Variants in CIMIP6 observed in about 807,000 individuals in gnomAD.
CIMIP6 encodes uncharacterized protein C2orf73.
the CIMIP6 span, among the ~76,000 whole-genome samples, chr2:54,331,779 A>T: frequency 6.6e-6 from 1 of 152,060 alleles, no homozygotes; most frequent in African/African-American, 2.4e-5. Context: ...TGAGACTATT[A>T]ATCAAGGTAG....
the CIMIP6 span, chr2:54,360,413 T>A: frequency 6.9e-6 from 11 of 1,604,114 alleles, no homozygotes; most frequent in Non-Finnish European, 9.4e-6. Flanking sequence ...AACTCACTTA[T>A]CAGAAACAGA....
At chr2:54,359,100 AT>A in the CIMIP6 span, 1 of 1,230,956 alleles carries the variant, frequency 8.1e-7, no homozygotes, top group South Asian at 1.4e-5. Flanking sequence ...GAATTATTTA[AT>A]ACTTTAAGAC....
At chr2:54,342,227 C>G in the CIMIP6 span, among the ~76,000 whole-genome samples, 6 of 152,112 alleles carry the variant, frequency 3.9e-5, no homozygotes, top group Admixed American at 3.9e-4. Flanking sequence ...GGTATGTGTT[C>G]ATCCCATCTT....
At chr2:54,344,973 A>G in the CIMIP6 span, among the ~76,000 whole-genome samples, 1 of 152,198 alleles carries the variant, frequency 6.6e-6, no homozygotes, top group African/African-American at 2.4e-5. Flanking sequence ...TTTGCCAGGC[A>G]CTTTATGGAA....
chr2:54,354,022 C>T, the CIMIP6 span, among the ~76,000 whole-genome samples: 2 of 152,084 alleles, frequency 1.3e-5, no homozygotes, highest in Non-Finnish European at 2.9e-5. Flanking sequence ...TAGAGTCCAC[C>T]ATGCGCGCAC....
chr2:54,349,318 A>G, the CIMIP6 span, among the ~76,000 whole-genome samples: 2 of 152,234 alleles, frequency 1.3e-5, no homozygotes, highest in African/African-American at 4.8e-5. Flanking sequence ...GATTTAAGAG[A>G]AAAATATTAC....
chr2:54,334,503 G>C, the CIMIP6 span, among the ~76,000 whole-genome samples: 6 of 152,180 alleles, frequency 3.9e-5, no homozygotes, highest in African/African-American at 7.2e-5. Flanking sequence ...CCACACACGT[G>C]AGTACTGCAA....
the CIMIP6 span, among the ~76,000 whole-genome samples, chr2:54,351,352 T>TA: frequency 6.6e-6 from 1 of 152,170 alleles, no homozygotes; most frequent in Non-Finnish European, 1.5e-5. Flanking sequence ...CTATTCACAA[T>TA]AGCAAAGACA....
the CIMIP6 span, among the ~76,000 whole-genome samples, chr2:54,377,477 A>G: frequency 1.7e-3 from 254 of 152,278 alleles, no homozygotes; most frequent in African/African-American, 5.9e-3. Flanking sequence ...ATACATTTAT[A>G]TAATTTAACT....
chr2:54,350,213 T>G, the CIMIP6 span, among the ~76,000 whole-genome samples: 2 of 152,220 alleles, frequency 1.3e-5, no homozygotes, highest in Non-Finnish European at 2.9e-5. Flanking sequence ...AGATTACTAT[T>G]TAAAAGATTC....
At chr2:54,376,389 C>T in the CIMIP6 span, among the ~76,000 whole-genome samples, 1 of 152,134 alleles carries the variant, frequency 6.6e-6, no homozygotes, top group African/African-American at 2.4e-5. Context: ...TTCCTGTCGT[C>T]GTAAGTACCA....
chr2:54,367,121 G>C, the CIMIP6 span, among the ~76,000 whole-genome samples: 2 of 151,970 alleles, frequency 1.3e-5, no homozygotes, highest in African/African-American at 2.4e-5. Context: ...AATCGAGTTA[G>C]TTACTCACAG....
the CIMIP6 span, among the ~76,000 whole-genome samples, chr2:54,366,574 C>T: frequency 1.1e-4 from 16 of 152,086 alleles, no homozygotes; most frequent in African/African-American, 2.4e-4. Context: ...CAGACATAGA[C>T]GCATAATAGT....
At chr2:54,374,622 T>C in the CIMIP6 span, among the ~76,000 whole-genome samples, 1 of 152,252 alleles carries the variant, frequency 6.6e-6, no homozygotes, top group Non-Finnish European at 1.5e-5. Context: ...CATAGGAATT[T>C]TATGCACATT....
chr2:54,378,277 C>A, the CIMIP6 span, among the ~76,000 whole-genome samples: 1 of 152,208 alleles, frequency 6.6e-6, no homozygotes, highest in Non-Finnish European at 1.5e-5. Flanking sequence ...CCTGGGTTAC[C>A]AACGCAGGAT....
the CIMIP6 span, among the ~76,000 whole-genome samples, chr2:54,331,227 T>C: frequency 6.6e-6 from 1 of 152,176 alleles, no homozygotes; most frequent in African/African-American, 2.4e-5. Flanking sequence ...GATCTAAAAT[T>C]CTTGAAGTCA....
chr2:54,333,170 T>C, the CIMIP6 span, among the ~76,000 whole-genome samples: 432 of 152,310 alleles, frequency 2.8e-3, 1 homozygote, highest in Middle Eastern at 0.02. Flanking sequence ...ATGGAACTTA[T>C]TGACTAGTAA....
At chr2:54,347,669 A>G in the CIMIP6 span, among the ~76,000 whole-genome samples, 4 of 152,062 alleles carry the variant, frequency 2.6e-5, no homozygotes, top group East Asian at 5.8e-4. Context: ...GGGTCTGTAG[A>G]TCTACTTAAT....
chr2:54,330,988 G>A, the CIMIP6 span: 3 of 1,613,670 alleles, frequency 1.9e-6, no homozygotes, highest in Non-Finnish European at 2.5e-6. Context: ...GGAGGAAAAG[G>A]AAGATAAGCA....
Sources: allele counts gnomAD v4.1 joint callset (sites outside exome capture counted in the v4.1 genomes callset), GRCh38; gene constraint gnomAD v4.1.1; transcripts MANE v1.5; gene names NCBI Gene and HGNC (gene_info 2026-07-23, HGNC 2026-07-21).